Variants in PIK3CB observed in about 807,000 individuals in gnomAD.
The protein encoded by PIK3CB is phosphatidylinositol-4,5-bisphosphate 3-kinase catalytic subunit beta.
In PIK3CB, 39 loss-of-function variants were observed where a neutral mutation model predicts 136.8. The ratio of observed to expected loss-of-function variants is 0.29; its 90% CI spans 0.22 to 0.37. The LOEUF is 0.37. Among genes scored for constraint, PIK3CB ranks in the 10% least tolerant of loss-of-function variants. The pLI is 1.00. For synonymous variants in PIK3CB, 428 were observed against 436.6 expected (o/e 0.98, Z 0.25); for missense variants, 868 against 1,275.4 (o/e 0.68, Z 4.87).
intron 19 of PIK3CB, among the ~76,000 whole-genome samples, chr3:138,674,864 T>A (rs2108455399): frequency 6.6e-6 from 1 of 152,300 alleles, no homozygotes; most frequent in Non-Finnish European, 1.5e-5. Flanking sequence ...AAGACCAGCC[T>A]GGCCAACGTG....
At chr3:138,657,100 A>G (rs908351144) in intron 22 of PIK3CB, among the ~76,000 whole-genome samples, 1 of 152,084 alleles carries the variant, frequency 6.6e-6, no homozygotes, top group Non-Finnish European at 1.5e-5. Context: ...TTATTTTGCC[A>G]AAGAGAAAAC....
chr3:138,685,053 T>A (rs1449059352), intron 16 of PIK3CB: 1 of 374,054 alleles, frequency 2.7e-6, no homozygotes, highest in Admixed American at 4.4e-5. Context: ...TCTTACAAAT[T>A]CGAGAAAAGC....
intron 21 of PIK3CB, among the ~76,000 whole-genome samples, chr3:138,661,399 C>G (rs1319406529): frequency 1.3e-5 from 2 of 152,192 alleles, no homozygotes; most frequent in African/African-American, 4.8e-5. Flanking sequence ...TACTGACTTT[C>G]TATTTTCTCA....
intron 14 of PIK3CB, among the ~76,000 whole-genome samples, chr3:138,694,293 C>T (rs2044088506): frequency 6.6e-6 from 1 of 151,976 alleles, no homozygotes; most frequent in African/African-American, 2.4e-5. Context: ...TATGTGATAG[C>T]TGCCCGTAAA....
intron 1 of PIK3CB, among the ~76,000 whole-genome samples, chr3:138,814,741 C>T (rs1160406970): frequency 6.6e-6 from 1 of 152,078 alleles, no homozygotes; most frequent in Non-Finnish European, 1.5e-5. Context: ...ATGGCTCACA[C>T]CTGTAATCCC....
At chr3:138,821,987 T>A (rs1007296368) in intron 1 of PIK3CB, among the ~76,000 whole-genome samples, 1 of 150,442 alleles carries the variant, frequency 6.6e-6, no homozygotes, top group African/African-American at 2.5e-5. Flanking sequence ...TCTTTCTCCA[T>A]GAAAAATACA....
chr3:138,827,384 G>A (rs1280771780), intron 1 of PIK3CB, among the ~76,000 whole-genome samples: 1 of 152,168 alleles, frequency 6.6e-6, no homozygotes, highest in Non-Finnish European at 1.5e-5. Context: ...GCTGGGTTCA[G>A]TGGCTCTAGC....
At chr3:138,824,390 G>A (rs563813987) in intron 1 of PIK3CB, among the ~76,000 whole-genome samples, 8 of 152,266 alleles carry the variant, frequency 5.3e-5, no homozygotes, top group African/African-American at 1.7e-4. Flanking sequence ...TATAATATAG[G>A]AGATGACTGT....
chr3:138,692,708 C>T (rs772616633), intron 14 of PIK3CB, among the ~76,000 whole-genome samples: 2 of 152,098 alleles, frequency 1.3e-5, no homozygotes, highest in Non-Finnish European at 2.9e-5. Context: ...AAAACATACA[C>T]GATTTTAAAA....
intron 1 of PIK3CB, among the ~76,000 whole-genome samples, chr3:138,813,863 G>A (rs1185728840): frequency 6.6e-6 from 1 of 152,066 alleles, no homozygotes; most frequent in Non-Finnish European, 1.5e-5. Context: ...CAAAGAAATG[G>A]GGTAAAAGCT....
chr3:138,714,361 G>C, intron 9 of PIK3CB, 107 bp downstream of exon 9: 1 of 666,790 alleles, frequency 1.5e-6, no homozygotes, highest in South Asian at 2.6e-5. Context: ...AGTTTTTAAG[G>C]ATCAAAGTTA....
At position 138,707,238 on chromosome 3, in the gene PIK3CB, T is replaced by C. The variant is rs1324578567; in HGVS notation, c.1451A>G (p.Tyr484Cys). 3 of 1,612,996 alleles carry C rather than the reference T, an allele frequency of 1.9e-6. No individual in the cohort carries two copies. The highest frequency in any genetic ancestry group is 1.3e-5 in the African/African-American group (1 of 74,918). Residue 484 changes from tyrosine to cysteine, a missense_variant, in exon 11 of 24, where the codon TAT becomes TGT. This residue lies in a region of PIK3CB where 612 missense variants were observed against 801.1 expected (regional missense o/e 0.76). Coordinates refer to ENST00000674063, the MANE Select transcript of PIK3CB (RefSeq NM_006219.3). ...NPMGTVQTNP[Y>C]TENATALHVK... ...ATGCAAAGCTGTTGCATTTTCAGTA[T>C]ATGGATTTGTTTGAACAGTTCCCAT... is the stretch of plus-strand genomic sequence containing the variant.
chr3:138,778,724 G>T, intron 2 of PIK3CB: 1 of 237,030 alleles, frequency 4.2e-6, no homozygotes, highest in South Asian at 5.8e-5. Flanking sequence ...TGTTCTCAAT[G>T]ACTACTTTGT....
rs2043913044 is a variant in PIK3CB at position 138,687,189 on chromosome 3, T to A, written c.2136+1686A>T. Among the ~76,000 whole-genome samples the A allele has an allele frequency of 2.0e-5, 3 of 150,846 alleles. No homozygotes were observed. In the South Asian group the frequency reaches 6.3e-4, roughly 32 times the overall value. On this transcript the variant is annotated intron_variant, in intron 16 of 23. Transcript: ENST00000674063. ...AGTTTATAGTAATAACAAGAACAGC[T>A]ATGTACAGGGTAAAGTCTTCCTCTC...
chr3:138,821,414 T>A (rs1231722479), intron 1 of PIK3CB, among the ~76,000 whole-genome samples: 1 of 150,980 alleles, frequency 6.6e-6, no homozygotes, highest in African/African-American at 2.4e-5. Context: ...TGGACCATCA[T>A]GTACAAATTA....
chr3:138,703,711 G>T (rs2044306213), intron 12 of PIK3CB, among the ~76,000 whole-genome samples: 2 of 152,188 alleles, frequency 1.3e-5, no homozygotes, highest in Admixed American at 1.3e-4. Context: ...AAACAAATGG[G>T]AATAGTATAT....
chr3:138,667,703 A>G (rs1443993132), intron 19 of PIK3CB, among the ~76,000 whole-genome samples: 2 of 149,384 alleles, frequency 1.3e-5, no homozygotes, highest in Admixed American at 1.3e-4. Flanking sequence ...CTGGGACTAC[A>G]GGCGCCTGCC....
chr3:138,702,239 T>C (rs929370101), intron 12 of PIK3CB, among the ~76,000 whole-genome samples: 6 of 147,612 alleles, frequency 4.1e-5, no homozygotes, highest in Non-Finnish European at 7.6e-5. Context: ...GCCCAGTTAA[T>C]ACTTTTTTTT....
chr3:138,809,290 A>G (rs2046268002), intron 1 of PIK3CB, among the ~76,000 whole-genome samples: 1 of 151,430 alleles, frequency 6.6e-6, no homozygotes, highest in African/African-American at 2.4e-5. Context: ...AAAAAAACTT[A>G]CAACTTCTGT....
Sources: gnomAD v4.1 joint callset for allele counts (sites outside exome capture counted in the v4.1 genomes callset) on GRCh38, gnomAD v4.1.1 for gene constraint, gnomAD v4.1.1 regional missense constraint, MANE v1.5 for transcripts, NCBI Gene and HGNC (gene_info 2026-07-23, HGNC 2026-07-21) for gene names.